The following BLTP1 variants were observed in gnomAD, a reference collection of about 807,000 sequenced individuals.
The protein encoded by BLTP1 is fragile site-associated protein.
At chr4:122,244,096 T>C in the BLTP1 span, 2 of 1,424,402 alleles carry the variant, frequency 1.4e-6, no homozygotes, top group Non-Finnish European at 1.9e-6. Context: ...GATAAGTATA[T>C]GTGATATGTT....
chr4:122,299,194 A>G, the BLTP1 span: 3 of 970,724 alleles, frequency 3.1e-6, no homozygotes, highest in Non-Finnish European at 3.7e-6. Flanking sequence ...AGGGTGTATC[A>G]GAAAGAGTTT....
At chr4:122,200,290 A>C in the BLTP1 span, 1 of 985,084 alleles carries the variant, frequency 1.0e-6, no homozygotes, top group Non-Finnish European at 1.2e-6. Flanking sequence ...CAGAAATGCC[A>C]AACTGCGCAG....
chr4:122,209,981 A>T, the BLTP1 span: 3 of 1,570,092 alleles, frequency 1.9e-6, no homozygotes, highest in South Asian at 2.3e-5. Flanking sequence ...ATTGATAATC[A>T]TGAAAAATAA....
the BLTP1 span, chr4:122,221,986 T>C: frequency 1.8e-6 from 1 of 568,694 alleles, no homozygotes; most frequent in Non-Finnish European, 1.9e-6. Flanking sequence ...ATTATAGAGG[T>C]ATGCAAACTT....
the BLTP1 span, chr4:122,308,230 AG>A: frequency 1.3e-6 from 2 of 1,501,992 alleles, no homozygotes; most frequent in Admixed American, 3.7e-5. Context: ...CTAAGTATTT[AG>A]AATATAACAG....
the BLTP1 span, chr4:122,292,314 A>G: frequency 0.27 from 250,535 of 912,728 alleles, 36,829 homozygotes; most frequent in South Asian, 0.46. Context: ...ATGAACAGAC[A>G]CAAAGCCATT....
the BLTP1 span, chr4:122,210,739 T>C: frequency 5.0e-6 from 5 of 999,958 alleles, no homozygotes; most frequent in African/African-American, 8.2e-5. Flanking sequence ...TTAGGTCTGT[T>C]TTCATTATAT....
At chr4:122,299,388 C>A in the BLTP1 span, among the ~76,000 whole-genome samples, 1 of 152,046 alleles carries the variant, frequency 6.6e-6, no homozygotes, top group African/African-American at 2.4e-5. Context: ...GGGATAAAGT[C>A]ATTTAAGGAA....
the BLTP1 span, among the ~76,000 whole-genome samples, chr4:122,352,355 CTTTTTTTTT>C: frequency 8.9e-4 from 99 of 111,714 alleles, no homozygotes; most frequent in Non-Finnish European, 1.4e-3. Flanking sequence ...TTTGGTTTTT[CTTTTTTTTT>C]TTTTTTTTTT....
At chr4:122,318,180 G>C in the BLTP1 span, 2 of 1,607,700 alleles carry the variant, frequency 1.2e-6, no homozygotes, top group Non-Finnish European at 8.5e-7. Flanking sequence ...CCATAAACCA[G>C]GAAATTCAAC....
chr4:122,316,205 G>A, the BLTP1 span: 1 of 353,364 alleles, frequency 2.8e-6, no homozygotes, highest in Non-Finnish European at 5.8e-6. Flanking sequence ...TTATTTTGTG[G>A]CAAAAAGAAA....
At chr4:122,227,260 C>A in the BLTP1 span, 1 of 988,406 alleles carries the variant, frequency 1.0e-6, no homozygotes, top group Non-Finnish European at 1.2e-6. Context: ...TGGTCATTTG[C>A]CAGGTTTCCT....
At chr4:122,153,159 G>GTT in the BLTP1 span, 4,548 of 125,598 alleles carry the variant, frequency 0.036, 199 homozygotes, top group East Asian at 0.16. Flanking sequence ...AGTTGTTGTC[G>GTT]TTTTTTTTTT....
the BLTP1 span, among the ~76,000 whole-genome samples, chr4:122,259,404 AG>A: frequency 6.6e-6 from 1 of 152,264 alleles, no homozygotes; most frequent in East Asian, 1.9e-4. Flanking sequence ...ACTTCTGAAG[AG>A]GGTTGTGAGA....
chr4:122,245,415 T>C, the BLTP1 span, among the ~76,000 whole-genome samples: 7 of 152,314 alleles, frequency 4.6e-5, no homozygotes, highest in Admixed American at 4.6e-4. Context: ...CTAAAGTGCT[T>C]TGGCCCTAAG....
the BLTP1 span, among the ~76,000 whole-genome samples, chr4:122,352,198 C>G: frequency 2.6e-5 from 4 of 152,148 alleles, no homozygotes; most frequent in East Asian, 5.8e-4. Flanking sequence ...GTTACTGGTT[C>G]ACTTAACCTC....
the BLTP1 span, chr4:122,201,843 C>T: frequency 1.7e-4 from 171 of 980,522 alleles, no homozygotes; most frequent in African/African-American, 2.6e-3. Flanking sequence ...TCCATCCATC[C>T]ATTTGTGCAA....
the BLTP1 span, chr4:122,325,661 C>T: frequency 1.9e-6 from 2 of 1,052,856 alleles, no homozygotes; most frequent in Non-Finnish European, 2.5e-6. Context: ...AATATTGATA[C>T]TCATTTATGT....
chr4:122,352,145 T>C, the BLTP1 span, among the ~76,000 whole-genome samples: 2 of 152,130 alleles, frequency 1.3e-5, no homozygotes, highest in Admixed American at 6.6e-5. Context: ...TTAAAAGCAG[T>C]ACTTAAAATA....
Sources: allele counts gnomAD v4.1 joint callset (sites outside exome capture counted in the v4.1 genomes callset), GRCh38; gene constraint gnomAD v4.1.1; transcripts MANE v1.5; gene names NCBI Gene and HGNC (gene_info 2026-07-23, HGNC 2026-07-21).